Variants in NUBPL observed in about 807,000 individuals in gnomAD.
NUBPL encodes the protein NUBP iron-sulfur cluster assembly factor, mitochondrial.
NUBPL carries 31 observed loss-of-function variants against 45.7 expected under a neutral mutation model. The ratio of observed to expected loss-of-function variants is 0.68; its 90% CI spans 0.51 to 0.92. The LOEUF (loss-of-function observed/expected upper bound fraction) is 0.92, where lower values mean the gene tolerates loss of function less well. Ranked by LOEUF, NUBPL falls within the 40% of genes least tolerant of loss-of-function variation. The pLI, the probability that NUBPL is intolerant of heterozygous loss-of-function variation, is 0.00. For synonymous variants in NUBPL, 144 were observed against 140.9 expected (o/e 1.02, Z -0.15); for missense variants, 401 against 398.7 (o/e 1.01, Z -0.05).
chr14:31,750,221 C>T (rs1009797413), intron 6 of NUBPL, among the ~76,000 whole-genome samples: 6 of 149,548 alleles, frequency 4.0e-5, no homozygotes, highest in Non-Finnish European at 8.9e-5. Context: ...GTCACCCAGG[C>T]TGGAGTACAG....
At chr14:31,787,680 A>T in intron 6 of NUBPL, 100 bp from the exon 7 acceptor site, 1 of 807,398 alleles carries the variant, frequency 1.2e-6, no homozygotes, top group Non-Finnish European at 2.1e-6. Context: ...CTCAAGCGAT[A>T]GCTATGATTT....
At position 31,616,142 on chromosome 14, in the gene NUBPL, G is replaced by A. The variant is rs1343628607; in HGVS notation, c.382+16763G>A. Among the ~76,000 whole-genome samples the A allele has an allele frequency of 2.0e-5, 3 of 151,910 alleles. No homozygotes were observed. The East Asian group carries it at 5.8e-4, about 29-fold the overall frequency. On this transcript the variant is annotated intron_variant, in intron 4 of 10. Transcript: ENST00000281081. ...CCTTTGCCCACTTTTTGATGGGGTT[G>A]TTTTTTTCTTTTTGTTTAAGTTCTT...
At chr14:31,856,689 A>G (rs1216032053) in intron 10 of NUBPL, among the ~76,000 whole-genome samples, 1 of 152,220 alleles carries the variant, frequency 6.6e-6, no homozygotes, top group African/African-American at 2.4e-5. Flanking sequence ...TACAGGCCCC[A>G]TGCAAGTCTG....
chr14:31,572,544 A>G (rs1203344014), intron 3 of NUBPL, among the ~76,000 whole-genome samples: 2 of 152,174 alleles, frequency 1.3e-5, no homozygotes, highest in African/African-American at 4.8e-5. Flanking sequence ...AATGTTTGCT[A>G]TACGTATGAT....
intron 3 of NUBPL, among the ~76,000 whole-genome samples, chr14:31,587,376 G>C (rs1595325193): frequency 6.6e-6 from 1 of 152,152 alleles, no homozygotes; most frequent in African/African-American, 2.4e-5. Context: ...TAATGATAAT[G>C]CTTACTTTAC....
At chr14:31,788,995 C>A (rs151315560) in intron 7 of NUBPL, among the ~76,000 whole-genome samples, 56 of 152,302 alleles carry the variant, frequency 3.7e-4, no homozygotes, top group African/African-American at 1.3e-3. Context: ...ACATGACAGG[C>A]ACTCGGTAAA....
chr14:31,639,828 G>T (rs1431062134), intron 4 of NUBPL, among the ~76,000 whole-genome samples: 1 of 152,188 alleles, frequency 6.6e-6, no homozygotes. Flanking sequence ...CTTGCAGTTT[G>T]ATCTCAGACT....
chr14:31,799,284 T>C (rs1365854461), intron 7 of NUBPL, among the ~76,000 whole-genome samples: 1 of 152,004 alleles, frequency 6.6e-6, no homozygotes, highest in East Asian at 1.9e-4. Flanking sequence ...TAGAAAATAC[T>C]ATACATTTGG....
At chr14:31,737,376 T>G (rs2038186908) in intron 6 of NUBPL, among the ~76,000 whole-genome samples, 1 of 152,256 alleles carries the variant, frequency 6.6e-6, no homozygotes, top group African/African-American at 2.4e-5. Flanking sequence ...GTTCCAGCAC[T>G]TAATTACAGT....
intron 6 of NUBPL, among the ~76,000 whole-genome samples, chr14:31,753,411 C>T (rs1017459228): frequency 1.3e-5 from 2 of 152,064 alleles, no homozygotes; most frequent in Admixed American, 6.5e-5. Flanking sequence ...ATGTTGGCTC[C>T]CCTAGCCTGC....
At chr14:31,619,113 A>G (rs1256344986) in intron 4 of NUBPL, among the ~76,000 whole-genome samples, 2 of 151,782 alleles carry the variant, frequency 1.3e-5, no homozygotes, top group Middle Eastern at 6.8e-3. Flanking sequence ...AACCCATGCT[A>G]TTTTTTTGCT....
chr14:31,612,402 C>T (rs889976766), intron 4 of NUBPL, among the ~76,000 whole-genome samples: 6 of 152,188 alleles, frequency 3.9e-5, no homozygotes, highest in African/African-American at 1.2e-4. Flanking sequence ...CAGTGGCTCA[C>T]GCCTGTAATC....
chr14:31,817,752 C>T (rs2138933758), intron 7 of NUBPL, among the ~76,000 whole-genome samples: 1 of 152,278 alleles, frequency 6.6e-6, no homozygotes, highest in Non-Finnish European at 1.5e-5. Flanking sequence ...ACTGCATCAA[C>T]TAATGGGTAA....
intron 6 of NUBPL, among the ~76,000 whole-genome samples, chr14:31,726,892 G>C (rs1012516953): frequency 5.9e-5 from 9 of 151,850 alleles, no homozygotes; most frequent in African/African-American, 1.7e-4. Flanking sequence ...TGAAGGGGCT[G>C]TCCTGTACAT....
intron 6 of NUBPL, among the ~76,000 whole-genome samples, chr14:31,767,457 C>T (rs939574239): frequency 1.7e-4 from 26 of 152,182 alleles, no homozygotes; most frequent in Non-Finnish European, 3.2e-4. Flanking sequence ...TCATGATCCG[C>T]CCGCCTCAGC....
chr14:31,678,606 G>T (rs566209478), intron 6 of NUBPL, among the ~76,000 whole-genome samples: 3 of 152,334 alleles, frequency 2.0e-5, no homozygotes, highest in Admixed American at 1.3e-4. Context: ...CTGGAGTGGG[G>T]TCCTCACAGG....
At chr14:31,769,418 A>C (rs2038968208) in intron 6 of NUBPL, among the ~76,000 whole-genome samples, 1 of 152,200 alleles carries the variant, frequency 6.6e-6, no homozygotes, top group African/African-American at 2.4e-5. Flanking sequence ...TCAGGAATGC[A>C]TTAACTTTGT....
chr14:31,711,702 G>A (rs117908515), intron 6 of NUBPL, among the ~76,000 whole-genome samples: 4,513 of 152,150 alleles, frequency 0.03, 98 homozygotes, highest in Non-Finnish European at 0.048. Context: ...TGGGTTTTTG[G>A]TCTTGCTGAC....
At chr14:31,618,894 G>A (rs965865898) in intron 4 of NUBPL, among the ~76,000 whole-genome samples, 2 of 152,124 alleles carry the variant, frequency 1.3e-5, no homozygotes, top group Admixed American at 6.6e-5. Context: ...GGGTGTTAAA[G>A]TGTCCCACTA....
Sources: gnomAD v4.1 joint callset for allele counts (sites outside exome capture counted in the v4.1 genomes callset) on GRCh38, gnomAD v4.1.1 for gene constraint, MANE v1.5 for transcripts, NCBI Gene and HGNC (gene_info 2026-07-23, HGNC 2026-07-21) for gene names.